Variants in SDK1 observed in about 807,000 individuals in gnomAD.
SDK1 encodes the protein protein sidekick-1.
A neutral mutation model predicts 245.5 loss-of-function variants in SDK1; 157 were observed. The observed-to-expected ratio is 0.64, with a 90% CI of 0.56 to 0.73. The LOEUF is 0.73. Ranked by LOEUF, SDK1 falls within the 30% of genes least tolerant of loss-of-function variation. The probability of loss-of-function intolerance (pLI) is 0.00; values close to 1 mark genes in which losing one functional copy is unlikely to be tolerated. For missense variants in SDK1, 3,583 were observed against 3,002.3 expected (o/e 1.19, Z -4.52); for synonymous variants, 1,647 against 1,278.5 (o/e 1.29, Z -6.15).
At chr7:4,126,891 T>C (rs1384894235) in intron 25 of SDK1, among the ~76,000 whole-genome samples, 1 of 152,204 alleles carries the variant, frequency 6.6e-6, no homozygotes, top group Non-Finnish European at 1.5e-5. Flanking sequence ...GATGCAATTA[T>C]GTAACTGAAG....
At chr7:4,211,362 C>G (rs1404127494) in intron 38 of SDK1, among the ~76,000 whole-genome samples, 1 of 151,974 alleles carries the variant, frequency 6.6e-6, no homozygotes, top group Non-Finnish European at 1.5e-5. Flanking sequence ...TTCTGTAGAC[C>G]AGGGAGTGAG....
At chr7:4,126,538 T>G (rs1419214008) in intron 25 of SDK1, among the ~76,000 whole-genome samples, 1 of 152,092 alleles carries the variant, frequency 6.6e-6, no homozygotes, top group Non-Finnish European at 1.5e-5. Flanking sequence ...CTGGCCAACA[T>G]GGTAAAACCC....
In SDK1 at chr7:3,971,352, G is replaced by A. The variant is rs1489714167; in HGVS notation, c.1715-114G>A. 4.2e-6 allele frequency: 3 copies of A among 715,834 alleles called. No individual in the cohort carries two copies. The East Asian group carries it at 8.1e-5, about 19-fold the overall frequency. The allele number at this position is 715,834 out of a possible 1,614,324, so 44.3% of individuals were successfully genotyped here. A position where few individuals can be genotyped will look rare whatever the true frequency, so the allele number is the denominator to read the frequency against. ...GATCCATTTACACTCATTCTGCCAA[G>A]ATGAGAGAAAACTCGGAGGTTGTGA... On this transcript the variant is annotated intron_variant, in intron 11 of 44. Transcript: ENST00000404826.
At chr7:3,636,438 C>A (rs781750934) in intron 2 of SDK1, among the ~76,000 whole-genome samples, 3 of 152,138 alleles carry the variant, frequency 2.0e-5, no homozygotes, top group Non-Finnish European at 2.9e-5. Flanking sequence ...TTTTACATTC[C>A]TCTTATAAGT....
At chr7:4,227,658 A>C (rs951462657) in intron 40 of SDK1, among the ~76,000 whole-genome samples, 1 of 152,254 alleles carries the variant, frequency 6.6e-6, no homozygotes, top group Non-Finnish European at 1.5e-5. Context: ...TTCATTCAGC[A>C]TGGAGACCCT....
At chr7:4,156,805 G>T (rs1274009527) in intron 30 of SDK1, among the ~76,000 whole-genome samples, 2 of 152,168 alleles carry the variant, frequency 1.3e-5, no homozygotes, top group African/African-American at 2.4e-5. Flanking sequence ...CAGAGTCCTG[G>T]GGGTCCACAG....
At chr7:3,776,246 T>C (rs1780557592) in intron 4 of SDK1, among the ~76,000 whole-genome samples, 2 of 152,198 alleles carry the variant, frequency 1.3e-5, no homozygotes, top group Non-Finnish European at 2.9e-5. Context: ...GCAGACATTG[T>C]CAATTTGGTG....
At chr7:4,174,811 A>T (rs573339137) in intron 33 of SDK1, among the ~76,000 whole-genome samples, 1 of 152,058 alleles carries the variant, frequency 6.6e-6, no homozygotes, top group South Asian at 2.1e-4. Flanking sequence ...CTGCGCCATG[A>T]TCGTTGCTCT....
chr7:3,711,578 G>A (rs1470447866), intron 4 of SDK1, among the ~76,000 whole-genome samples: 1 of 152,188 alleles, frequency 6.6e-6, no homozygotes, highest in African/African-American at 2.4e-5. Flanking sequence ...CAGAGATGCT[G>A]CTGGTACCAG....
At chr7:4,227,362 T>G in intron 40 of SDK1, 1 of 470,996 alleles carries the variant, frequency 2.1e-6, no homozygotes, top group South Asian at 1.6e-5. Flanking sequence ...ACACGGGCTT[T>G]CTTCGTCATC....
chr7:3,448,563 C>A (rs188844226), intron 1 of SDK1, among the ~76,000 whole-genome samples: 21 of 151,992 alleles, frequency 1.4e-4, no homozygotes, highest in Admixed American at 1.3e-3. Context: ...TGCCTAAATT[C>A]TCTTATGAAT....
intron 5 of SDK1, among the ~76,000 whole-genome samples, chr7:3,925,767 G>GC (rs1779744244): frequency 6.6e-6 from 1 of 152,168 alleles, no homozygotes; most frequent in African/African-American, 2.4e-5. Flanking sequence ...GAAGGACTTG[G>GC]CAGGTGCGTG....
intron 28 of SDK1, among the ~76,000 whole-genome samples, chr7:4,139,910 G>T (rs959635264): frequency 6.6e-6 from 1 of 152,112 alleles, no homozygotes; most frequent in East Asian, 1.9e-4. Context: ...TCCATCGATG[G>T]GAACGATCTG....
intron 5 of SDK1, among the ~76,000 whole-genome samples, chr7:3,945,610 T>A (rs1780542458): frequency 6.6e-6 from 1 of 152,086 alleles, no homozygotes; most frequent in African/African-American, 2.4e-5. Flanking sequence ...AAGATAAAGT[T>A]GAGGGCCGGG....
chr7:3,370,754 C>T (rs868254919), intron 1 of SDK1, among the ~76,000 whole-genome samples: 11 of 152,190 alleles, frequency 7.2e-5, no homozygotes, highest in Non-Finnish European at 1.0e-4. Context: ...AAATGCCCCA[C>T]GCTGGGTAGG....
rs548199205 is a variant in SDK1 at position 4,014,717 on chromosome 7, G to A, written c.2421-2454G>A. Among the ~76,000 whole-genome samples, 7 of 152,234 alleles carry A rather than the reference G, an allele frequency of 4.6e-5. No homozygotes were observed. In the South Asian group the frequency reaches 1.2e-3, roughly 27 times the overall value. On this transcript the variant is annotated intron_variant, in intron 16 of 44. Transcript: ENST00000404826. ...CATAGGGGTTATGTCCTTTATAAAC[G>A]TTCTCCTGTTTATTTTTGTATAAAA...
rs538177227 is a variant in SDK1 at position 3,325,094 on chromosome 7, A to T, written c.298+23210A>T. Among the ~76,000 whole-genome samples the T allele has an allele frequency of 3.3e-5, 5 of 152,272 alleles. No homozygotes were observed. In the East Asian group the frequency reaches 7.7e-4, roughly 24 times the overall value. On this transcript the variant is annotated intron_variant, in intron 1 of 44. Coordinates refer to ENST00000404826, the MANE Select transcript of SDK1 (RefSeq NM_152744.4). Reference sequence around the variant, plus strand: ...CTAGGTTCCTTGGGAAGAAGATCTTAAAGTTCTCTACCAAACCACTTTTTT... The same window carrying T: ...CTAGGTTCCTTGGGAAGAAGATCTTTAAGTTCTCTACCAAACCACTTTTTT...
At chr7:4,180,602 A>G (rs1175766065) in intron 35 of SDK1, among the ~76,000 whole-genome samples, 1 of 152,230 alleles carries the variant, frequency 6.6e-6, no homozygotes, top group Admixed American at 6.5e-5. Flanking sequence ...TCCTTCTCAC[A>G]CTGCTGTAAA....
intron 4 of SDK1, among the ~76,000 whole-genome samples, chr7:3,820,523 A>T (rs145560786): frequency 6.6e-6 from 1 of 152,250 alleles, no homozygotes; most frequent in Non-Finnish European, 1.5e-5. Flanking sequence ...TTATAAGTGA[A>T]GGATCCCATA....
Sources: gnomAD v4.1 joint callset for allele counts (sites outside exome capture counted in the v4.1 genomes callset) on GRCh38, gnomAD v4.1.1 for gene constraint, MANE v1.5 for transcripts, NCBI Gene and HGNC (gene_info 2026-07-23, HGNC 2026-07-21) for gene names.